PRKN: variants seen among roughly 807,000 people sequenced by gnomAD.
PRKN encodes the protein E3 ubiquitin-protein ligase parkin.
In PRKN, 56 loss-of-function variants were observed where a neutral mutation model predicts 59.5. The ratio of observed to expected loss-of-function variants is 0.94; its 90% CI spans 0.76 to 1.18. The LOEUF (loss-of-function observed/expected upper bound fraction) is 1.18. Ranked by LOEUF, PRKN falls within the 50% of genes most tolerant of loss-of-function variation. The pLI, the probability that PRKN is intolerant of heterozygous loss-of-function variation, is 0.00. For synonymous variants in PRKN, 250 were observed against 222.1 expected (o/e 1.13, Z -1.12); for missense variants, 657 against 596.4 (o/e 1.10, Z -1.06).
chr6:162,123,089 T>C (rs1554274065), intron 4 of PRKN, among the ~76,000 whole-genome samples: 2 of 151,828 alleles, frequency 1.3e-5, no homozygotes, highest in Non-Finnish European at 2.9e-5. Flanking sequence ...AAACGGGGGA[T>C]ACTATGTTGC....
At chr6:161,539,539 A>T (rs1339986701) in intron 9 of PRKN, among the ~76,000 whole-genome samples, 2 of 118,510 alleles carry the variant, frequency 1.7e-5, no homozygotes, top group African/African-American at 5.8e-5. Context: ...TTGCCTAAAA[A>T]GGTGTAAAAT....
intron 6 of PRKN, among the ~76,000 whole-genome samples, chr6:161,902,198 G>A (rs960705301): frequency 6.6e-6 from 1 of 152,240 alleles, no homozygotes; most frequent in African/African-American, 2.4e-5. Flanking sequence ...CAATGCGTCA[G>A]GGCACTCCCC....
At chr6:161,583,013 CACACACACAT>C (rs61361058) in intron 7 of PRKN, among the ~76,000 whole-genome samples, 2,762 of 147,102 alleles carry the variant, frequency 0.019, 74 homozygotes, top group African/African-American at 0.051. Flanking sequence ...CACACACACA[CACACACACAT>C]ACACATTTTG....
intron 4 of PRKN, among the ~76,000 whole-genome samples, chr6:162,188,318 A>G (rs1043214744): frequency 6.6e-6 from 1 of 152,154 alleles, no homozygotes; most frequent in African/African-American, 2.4e-5. Context: ...ACGTCCCACT[A>G]TGACCAACCC....
At chr6:161,589,868 C>G (rs995419598) in intron 7 of PRKN, among the ~76,000 whole-genome samples, 2 of 151,098 alleles carry the variant, frequency 1.3e-5, no homozygotes, top group African/African-American at 4.9e-5. Context: ...CAACCTCCAC[C>G]TCCTTGGTTC....
chr6:162,662,122 G>A (rs979795662), intron 1 of PRKN, among the ~76,000 whole-genome samples: 1 of 151,604 alleles, frequency 6.6e-6, no homozygotes, highest in African/African-American at 2.4e-5. Context: ...CTTTCCCTTT[G>A]GGTACATATC....
intron 7 of PRKN, among the ~76,000 whole-genome samples, chr6:161,754,946 C>T (rs1430839633): frequency 6.6e-6 from 1 of 152,146 alleles, no homozygotes; most frequent in Non-Finnish European, 1.5e-5. Context: ...GTTTGAGAAT[C>T]CCCACTCAGG....
chr6:162,391,449 C>A (rs761218284), intron 2 of PRKN, among the ~76,000 whole-genome samples: 54 of 150,804 alleles, frequency 3.6e-4, no homozygotes, highest in Non-Finnish European at 7.2e-4. Flanking sequence ...ACTGCGCATG[C>A]TTGACGTGGA....
chr6:162,704,018 T>G (rs987240129), intron 1 of PRKN, among the ~76,000 whole-genome samples: 2 of 152,158 alleles, frequency 1.3e-5, no homozygotes, highest in Non-Finnish European at 2.9e-5. Flanking sequence ...TTAAGCGCCT[T>G]AGCTAAGAGA....
chr6:161,856,763 G>C (rs1292456760), intron 6 of PRKN, among the ~76,000 whole-genome samples: 2 of 151,984 alleles, frequency 1.3e-5, no homozygotes, highest in Non-Finnish European at 2.9e-5. Context: ...TCACTCATCT[G>C]TTTCTTTATT....
intron 5 of PRKN, among the ~76,000 whole-genome samples, chr6:162,005,481 T>C (rs1782213340): frequency 6.6e-6 from 1 of 151,956 alleles, no homozygotes; most frequent in South Asian, 2.1e-4. Context: ...AACTCAACTC[T>C]CAATCCACCT....
intron 1 of PRKN, among the ~76,000 whole-genome samples, chr6:162,516,232 C>G (rs73037932): frequency 6.6e-6 from 1 of 152,258 alleles, no homozygotes; most frequent in African/African-American, 2.4e-5. Flanking sequence ...TATCTGCCAT[C>G]TGGCCAGGTG....
At chr6:162,464,683 G>C (rs1295781004) in intron 1 of PRKN, among the ~76,000 whole-genome samples, 3 of 141,004 alleles carry the variant, frequency 2.1e-5, no homozygotes, top group African/African-American at 5.3e-5. Context: ...AAAAAAATTA[G>C]CCAGGCGTGG....
At chr6:161,767,297 AG>A (rs934816939) in intron 7 of PRKN, among the ~76,000 whole-genome samples, 30 of 152,280 alleles carry the variant, frequency 2.0e-4, no homozygotes, top group African/African-American at 6.7e-4. Flanking sequence ...GCGGATCACT[AG>A]GTCAGGAGAT....
intron 1 of PRKN, among the ~76,000 whole-genome samples, chr6:162,673,742 T>C (rs1034328232): frequency 2.0e-5 from 3 of 152,032 alleles, no homozygotes; most frequent in Non-Finnish European, 4.4e-5. Flanking sequence ...ATCCAAACCA[T>C]ACAGAGGAAG....
At chr6:162,205,720 T>C (rs1243238126) in intron 3 of PRKN, among the ~76,000 whole-genome samples, 1 of 151,946 alleles carries the variant, frequency 6.6e-6, no homozygotes, top group Admixed American at 6.6e-5. Flanking sequence ...CCATTTGCAC[T>C]ATCTCATATT....
At chr6:161,888,180 C>T (rs1795222145) in intron 6 of PRKN, among the ~76,000 whole-genome samples, 1 of 152,104 alleles carries the variant, frequency 6.6e-6, no homozygotes, top group South Asian at 2.1e-4. Context: ...ACATTAATAT[C>T]ATGTTCCAGT....
Position 161,491,600 on chromosome 6 carries a change from C to T in PRKN, c.1083+57254G>A, listed in dbSNP as rs73591614. On this transcript the variant is annotated intron_variant, in intron 9 of 11. Transcript: ENST00000366898. ...GTTCAAATCCCAGCCATTTCATTTG[C>T]TCCTGGAACTTTGTACGGGAAAGTG... Among the ~76,000 whole-genome samples the T allele has an allele frequency of 9.5e-3, 1,446 of 151,888 alleles. 17 individuals carry two copies. Among genetic ancestry groups the T allele is most frequent in the African/African-American group, 0.034 (1,392 of 41,380 alleles).
rs950832193 is a variant in PRKN at position 161,370,436 on chromosome 6, A to T, written c.1168-10231T>A. On this transcript the variant is annotated intron_variant, in intron 10 of 11. Transcript: ENST00000366898. ...TCTACTCAAAATACAAAAAAAAAAA[A>T]AAAAAATTAGCCGGGCGTGGTGGCA... Among the ~76,000 whole-genome samples the T allele has an allele frequency of 3.6e-4, 54 of 151,072 alleles. 1 individual carries two copies. The highest frequency in any genetic ancestry group is 1.3e-3 in the African/African-American group (54 of 41,170).
Sources: gnomAD v4.1 joint callset for allele counts (sites outside exome capture counted in the v4.1 genomes callset) on GRCh38, gnomAD v4.1.1 for gene constraint, MANE v1.5 for transcripts, NCBI Gene and HGNC (gene_info 2026-07-23, HGNC 2026-07-21) for gene names.